The following SLC39A5 variants were observed in gnomAD, a reference collection of about 807,000 sequenced individuals.
SLC39A5 encodes the protein solute carrier family 39 member 5.
Under a neutral mutation model 46.9 loss-of-function variants are expected in SLC39A5, and 42 were observed. The ratio of observed to expected loss-of-function variants is 0.90; its 90% CI spans 0.70 to 1.16. The LOEUF is 1.16. Among genes scored for constraint, SLC39A5 ranks in the 50% most tolerant of loss-of-function variants. SLC39A5 has a pLI of 0.00. For missense variants in SLC39A5, 677 were observed against 686.8 expected (o/e 0.99, Z 0.16); for synonymous variants, 311 against 323.1 (o/e 0.96, Z 0.40).
In SLC39A5 at chr12:56,234,832, C is replaced by CGGCT; in HGVS notation, c.481_484dup (p.Ser162TrpfsTer222). The stretch of plus-strand genomic sequence containing the variant: ...GACCCTCAATTCTCCAGTGTCTGAA[C>CGGCT]GGCTCCCAGCTGCTGGTCAATTTTG... On this transcript the variant is annotated frameshift_variant, in exon 6 of 13. Coordinates refer to ENST00000454355, the MANE Select transcript of SLC39A5 (RefSeq NM_173596.3). LOFTEE classifies it high-confidence loss of function. The CGGCT allele has an allele frequency of 6.2e-7, 1 of 1,613,468 alleles. No homozygotes were observed. Among genetic ancestry groups the CGGCT allele is most frequent in the East Asian group, 2.2e-5 (1 of 44,894 alleles).
intron 12 of SLC39A5, 85 bp downstream of exon 12, chr12:56,237,425 C>G: frequency 6.5e-7 from 1 of 1,527,584 alleles, no homozygotes; most frequent in East Asian, 2.3e-5. Flanking sequence ...TCCGCCTCTA[C>G]CATTAGCTCC....
chr12:56,230,054 T>TG lies in SLC39A5; in HGVS notation c.-238dup, dbSNP rs1214552917. On this transcript the variant is annotated 5_prime_UTR_variant, in exon 1 of 13. Transcript: ENST00000454355. ...GGTGACCCTTGCCCGCCTGCCTGCC[T>TG]GCCCCCCCAGCTGGAACCAAGAAGG... The TG allele has an allele frequency of 3.8e-5, 1 of 26,342 alleles. No homozygotes were observed. Among genetic ancestry groups the TG allele is most frequent in the Non-Finnish European group, 5.1e-4 (1 of 1,942 alleles). 1.6% of individuals were successfully genotyped at this position (26,342 alleles called of 1,614,324 possible). A position where few individuals can be genotyped will look rare whatever the true frequency, so the allele number is the denominator to read the frequency against.
Position 56,237,731 on chromosome 12 carries a change from A to C in SLC39A5, c.1623A>C (p.Ter541CysextTer26), listed in dbSNP as rs1163091717. Reference protein sequence around the residue: ...ERLLPVTTEG* With the variant: ...ERLLPVTTEGC ...TACTGCCCGTGACCACTGAGGGCTG[A>C]TGGGGCCAGTGGAAAGGGGTCGGGT... The change falls in exon 13 of 13, where the codon TGA (stop) becomes TGC (cysteine). Residue 541 changes from the stop codon to cysteine, a stop_lost. Transcript: ENST00000454355. The C allele has an allele frequency of 1.3e-6, 2 of 1,548,566 alleles. No homozygotes were observed. Among genetic ancestry groups the C allele is most frequent in the Non-Finnish European group, 1.7e-6 (2 of 1,149,580 alleles).
Position 56,237,321 on chromosome 12 carries a change from ATG to A in SLC39A5, c.1463_1464del (p.Val488GlyfsTer51), listed in dbSNP as rs758095176. ...GGGGTCACTGCTGGGGTCTTCCTCT[ATG>A]TGGCCCTTGTGGACATGGTGAGAGA... is the stretch of plus-strand genomic sequence containing the variant. On this transcript the variant is annotated frameshift_variant, in exon 12 of 13. Coordinates refer to ENST00000454355, the MANE Select transcript of SLC39A5 (RefSeq NM_173596.3). LOFTEE classifies it high-confidence loss of function. The A allele has an allele frequency of 6.2e-7, 1 of 1,600,648 alleles. No homozygotes were observed. Among genetic ancestry groups the A allele is most frequent in the African/African-American group, 1.3e-5 (1 of 74,586 alleles).
intron 8 of SLC39A5, 75 bp downstream of exon 8, chr12:56,235,775 T>C (rs1234789386): frequency 1.9e-6 from 3 of 1,592,492 alleles, no homozygotes; most frequent in Non-Finnish European, 1.7e-6. Context: ...CCGGGCGCGG[T>C]GGCTCACGCC....
rs1405337168 is a variant in SLC39A5, at chr12:56,237,533, G to A, written c.1480-55G>A. On this transcript the variant is annotated intron_variant, in intron 12 of 12. Transcript: ENST00000454355. ...TGATGCTTTCTGACACCATTCCTCT[G>A]GAGTTGAGAGGTCAGGGGCAAGGCC... 8 of 1,609,328 alleles carry A rather than the reference G, an allele frequency of 5.0e-6. No homozygotes were observed. The African/African-American group carries it at 8.0e-5, about 16-fold the overall frequency.
In SLC39A5 at chr12:56,236,756, G is replaced by A; in HGVS notation, c.1207+10G>A. On this transcript the variant is annotated intron_variant, in intron 10 of 12. Transcript: ENST00000454355. ...GATGGGCTGGCCATAGGTGTGAGGG[G>A]TGGGAACGGAGGGAAGCAGGTCCGA... is the stretch of plus-strand genomic sequence containing the variant. 1 of 1,590,764 alleles carries A rather than the reference G, an allele frequency of 6.3e-7. No individual in the cohort carries two copies. Among genetic ancestry groups the A allele is most frequent in the Non-Finnish European group, 8.6e-7 (1 of 1,166,400 alleles).
Position 56,235,695 on chromosome 12 carries a change from A to T in SLC39A5, c.940A>T (p.Arg314Trp), listed in dbSNP as rs756655804. The T allele has an allele frequency of 6.2e-7, 1 of 1,613,996 alleles. No individual in the cohort carries two copies. ...MLGLLRHRGL[R>W]PRCCRRKRRN... ...GGGGCTTTTGCGGCACCGAGGGCTC[A>T]GGCCAGTGAGTGATACCCTTTTCTC... The change falls in exon 8 of 13, where the codon AGG becomes TGG. Residue 314 changes from arginine to tryptophan, a missense_variant. Arg to Trp is a moderately radical substitution (Grantham distance 101). Coordinates refer to ENST00000454355, the MANE Select transcript of SLC39A5 (RefSeq NM_173596.3).
At chr12:56,236,374 G>A in intron 8 of SLC39A5, 22 bp from the exon 9 acceptor site, 2 of 1,612,748 alleles carry the variant, frequency 1.2e-6, no homozygotes, top group Non-Finnish European at 1.7e-6. Context: ...CCTCCACCAG[G>A]AGGGATGCCC....
intron 7 of SLC39A5, 100 bp downstream of exon 7, chr12:56,235,426 A>C: frequency 1.3e-6 from 2 of 1,505,418 alleles, no homozygotes; most frequent in Admixed American, 2.2e-5. Flanking sequence ...CCCATATCCT[A>C]CTCCCAGATC....
chr12:56,234,315 T>C (rs1870512801), intron 5 of SLC39A5, among the ~76,000 whole-genome samples: 1 of 122,394 alleles, frequency 8.2e-6, no homozygotes, highest in Non-Finnish European at 1.8e-5. Context: ...CCCCAGCTAA[T>C]TTTTTTTTTT....
In SLC39A5 at chr12:56,235,180, G is replaced by T; in HGVS notation, c.658G>T (p.Val220Phe). The T allele has an allele frequency of 6.4e-7, 1 of 1,555,478 alleles. No individual in the cohort carries two copies. The highest frequency in any genetic ancestry group is 8.7e-7 in the Non-Finnish European group (1 of 1,151,828). ...AGCCCTGCTTCAGAGTGCCCTGGCAGTCCTGTTGCTCAGCCTCCCTTCTCC... is the reference window on the plus strand; with the variant it reads ...AGCCCTGCTTCAGAGTGCCCTGGCATTCCTGTTGCTCAGCCTCCCTTCTCC... ...LSALLQSALA[V>F]LLLSLPSPLS... The change falls in exon 7 of 13, where the codon GTC (valine) becomes TTC (phenylalanine). Residue 220 changes from valine (V) to phenylalanine (F), a missense_variant. Transcript: ENST00000454355.
rs1870628399 is a variant in SLC39A5, at chr12:56,235,284, G to A, written c.762G>A (p.Val254=). The change falls in exon 7 of 13, where the codon GTG becomes GTA. Residue 254 remains valine, a synonymous_variant. Coordinates refer to ENST00000454355, the MANE Select transcript of SLC39A5 (RefSeq NM_173596.3). The part of the protein sequence containing the change: ...PLLGFLGALA[V]GTLCGDALLH... ...TGGGCTTCCTGGGGGCCCTGGCGGT[G>A]GGCACTCTTTGTGGGGATGCACTGC... is the stretch of plus-strand genomic sequence containing the variant. 1.3e-6 allele frequency: 2 copies of A among 1,552,600 alleles called. No individual in the cohort carries two copies. The highest frequency in any genetic ancestry group is 1.7e-6 in the Non-Finnish European group (2 of 1,156,404).
chr12:56,231,147 C>G, intron 3 of SLC39A5, 57 bp from the exon 4 acceptor site: 1 of 1,066,282 alleles, frequency 9.4e-7, no homozygotes. Context: ...TCTGGCTCCC[C>G]CATGGACCTG....
Position 56,232,823 on chromosome 12 carries a change from A to T in SLC39A5, c.422A>T (p.His141Leu). The T allele has an allele frequency of 6.2e-7, 1 of 1,613,014 alleles. No homozygotes were observed. Among genetic ancestry groups the T allele is most frequent in the South Asian group, 1.1e-5 (1 of 90,952 alleles). ...GPAPSGLDLL[H>L]RLLLLDHSLA... is the part of the protein sequence containing the mutation. ...GCCCCCTCGGGCCTGGACCTCCTTC[A>T]CAGGCTTCTGTTGCTGGACCACTCA... The change falls in exon 5 of 13, where the codon CAC becomes CTC. Residue 141 changes from histidine (H) to leucine (L), a missense_variant. Coordinates refer to ENST00000454355, the MANE Select transcript of SLC39A5 (RefSeq NM_173596.3).
chr12:56,235,400 C>T (rs1223521124), intron 7 of SLC39A5, 74 bp downstream of exon 7: 22 of 1,504,246 alleles, frequency 1.5e-5, no homozygotes, highest in African/African-American at 4.2e-5. Context: ...ACATCCCCTC[C>T]GCCTTTCCAT....
chr12:56,232,579 T>A, intron 4 of SLC39A5, 110 bp from the exon 5 acceptor site: 1 of 935,454 alleles, frequency 1.1e-6, no homozygotes, highest in Middle Eastern at 3.4e-4. Context: ...GGTCCCAGGA[T>A]CTCCAGTCAG....
At chr12:56,232,409 A>T (rs1268848647) in intron 4 of SLC39A5, among the ~76,000 whole-genome samples, 2 of 150,382 alleles carry the variant, frequency 1.3e-5, no homozygotes, top group Admixed American at 6.6e-5. Flanking sequence ...CAGGTGATCC[A>T]CCCACCTCAG....
Position 56,236,996 on chromosome 12 carries a change from C to A in SLC39A5, c.1273C>A (p.Leu425Met). The A allele has an allele frequency of 1.2e-6, 2 of 1,614,138 alleles. No homozygotes were observed. Among genetic ancestry groups the A allele is most frequent in the Non-Finnish European group, 1.7e-6 (2 of 1,179,986 alleles). The change falls in exon 11 of 13, where the codon CTG becomes ATG. Residue 425 changes from leucine (L) to methionine (M), a missense_variant. By Grantham distance (15) the Leu-to-Met change is conservative. Transcript: ENST00000454355. ...STTLAVFCHE[L>M]PHELGDFAML... ...CACCTTAGCGGTCTTCTGCCATGAG[C>A]TGCCCCACGAACTGGGTAGGAATGG...
Sources: allele counts gnomAD v4.1 joint callset (sites outside exome capture counted in the v4.1 genomes callset), GRCh38; gene constraint gnomAD v4.1.1; transcripts MANE v1.5; gene names NCBI Gene and HGNC (gene_info 2026-07-23, HGNC 2026-07-21).